Variants in COMMD10 observed in about 807,000 individuals in gnomAD.
COMMD10 encodes COMM domain containing 10.
A neutral mutation model predicts 28.9 loss-of-function variants in COMMD10; 33 were observed. That is an observed-to-expected ratio of 1.14 (90% confidence interval 0.87 to 1.53). The LOEUF (loss-of-function observed/expected upper bound fraction) is 1.53. COMMD10 is among the 40% of genes most tolerant of loss of function. The pLI is 0.00. For synonymous variants in COMMD10, 110 were observed against 81.7 expected (o/e 1.35, Z -1.87); for missense variants, 310 against 233.4 (o/e 1.33, Z -2.14).
At chr5:116,267,316 AGAGTGAAATCAT>A (rs1300245556) in intron 5 of COMMD10, among the ~76,000 whole-genome samples, 1 of 151,372 alleles carries the variant, frequency 6.6e-6, no homozygotes, top group Non-Finnish European at 1.5e-5. Flanking sequence ...AGACAAACAG[AGAGTGAAATCAT>A]GAGTGAACTC....
intron 5 of COMMD10, among the ~76,000 whole-genome samples, chr5:116,149,440 C>T (rs1752444717): frequency 1.3e-5 from 2 of 148,210 alleles, no homozygotes; most frequent in African/African-American, 2.5e-5. Context: ...CACAGACTTC[C>T]ACAATGGTTG....
In COMMD10 at chr5:116,190,599, G is replaced by C. The variant is rs147166283; in HGVS notation, c.510+56421G>C. On this transcript the variant is annotated intron_variant, in intron 5 of 6. Coordinates refer to ENST00000274458, the MANE Select transcript of COMMD10 (RefSeq NM_016144.4). The stretch of plus-strand genomic sequence containing the variant: ...TGTCACTGGCAACCAAGAGTTCTCT[G>C]TTTCTTTGGAATATAAATGCTAAAT... Among the ~76,000 whole-genome samples, 1,093 of 152,224 alleles carry C rather than the reference G, an allele frequency of 7.2e-3. 17 individuals are homozygous for C. Among genetic ancestry groups the C allele is most frequent in the African/African-American group, 0.025 (1,048 of 41,532 alleles).
intron 5 of COMMD10, among the ~76,000 whole-genome samples, chr5:116,146,204 T>C (rs999871437): frequency 6.6e-6 from 1 of 151,888 alleles, no homozygotes; most frequent in Non-Finnish European, 1.5e-5. Flanking sequence ...GGTCTAATTA[T>C]ATGAAGATTT....
intron 5 of COMMD10, among the ~76,000 whole-genome samples, chr5:116,174,251 A>C (rs756390466): frequency 2.0e-5 from 3 of 152,146 alleles, no homozygotes; most frequent in African/African-American, 4.8e-5. Context: ...CTGAGATGGA[A>C]GTGTGCTTGC....
At position 116,292,456 on chromosome 5, in the gene COMMD10, G is replaced by C; in HGVS notation, c.576G>C (p.Glu192Asp). The C allele has an allele frequency of 1.9e-6, 3 of 1,543,582 alleles. No individual in the cohort carries two copies. Among genetic ancestry groups the C allele is most frequent in the Non-Finnish European group, 2.6e-6 (3 of 1,144,162 alleles). The change falls in exon 7 of 7, where the codon GAG (glutamate) becomes GAC (aspartate). Residue 192 changes from glutamate to aspartate, a missense_variant. By Grantham distance (45) the Glu-to-Asp change is conservative (BLOSUM62 2). Coordinates refer to ENST00000274458, the MANE Select transcript of COMMD10 (RefSeq NM_016144.4). ...TTTTTTGTCTTTGTAAATAGCTAGA[G>C]ACTATACAAGCACAGCTGGATTCCC... ...KELFDFYNKL[E>D]TIQAQLDSLT
chr5:116,132,617 G>GTATT (rs774756087), intron 4 of COMMD10, among the ~76,000 whole-genome samples: 105 of 152,058 alleles, frequency 6.9e-4, no homozygotes, highest in Non-Finnish European at 1.1e-3. Context: ...CATTTTACAG[G>GTATT]TCTATATAAA....
intron 5 of COMMD10, among the ~76,000 whole-genome samples, chr5:116,240,037 C>T (rs1357502351): frequency 1.3e-5 from 2 of 152,052 alleles, no homozygotes; most frequent in African/African-American, 4.8e-5. Flanking sequence ...ATTTATTTCT[C>T]CTATACTTTG....
At chr5:116,129,214 A>G (rs1006249918) in intron 4 of COMMD10, among the ~76,000 whole-genome samples, 2 of 151,176 alleles carry the variant, frequency 1.3e-5, no homozygotes, top group Middle Eastern at 3.2e-3. Flanking sequence ...GAAGCCCCAT[A>G]TATTCTTTAT....
chr5:116,213,690 A>G (rs1443944232), intron 5 of COMMD10, among the ~76,000 whole-genome samples: 1 of 152,092 alleles, frequency 6.6e-6, no homozygotes, highest in Non-Finnish European at 1.5e-5. Flanking sequence ...ATTAGTGAGG[A>G]AAAACTTAGA....
chr5:116,185,588 C>T (rs1457975009), intron 5 of COMMD10, among the ~76,000 whole-genome samples: 4 of 151,998 alleles, frequency 2.6e-5, no homozygotes, highest in Admixed American at 1.3e-4. Flanking sequence ...TCCATTCTGT[C>T]TTATTGCATG....
intron 5 of COMMD10, among the ~76,000 whole-genome samples, chr5:116,179,101 C>G (rs969719683): frequency 6.6e-6 from 1 of 151,984 alleles, no homozygotes; most frequent in Non-Finnish European, 1.5e-5. Flanking sequence ...ATTATGTTAT[C>G]AAACACTGTG....
chr5:116,256,306 G>A (rs534947100), intron 5 of COMMD10, among the ~76,000 whole-genome samples: 1 of 151,608 alleles, frequency 6.6e-6, no homozygotes, highest in South Asian at 2.1e-4. Context: ...GTTCCTTTTG[G>A]GGTTGTTGAG....
intron 5 of COMMD10, among the ~76,000 whole-genome samples, chr5:116,175,086 C>T (rs1007616372): frequency 1.3e-5 from 2 of 152,090 alleles, no homozygotes; most frequent in African/African-American, 4.8e-5. Flanking sequence ...TTTCTAAATG[C>T]CACATTCAGA....
At chr5:116,170,164 A>C (rs998789979) in intron 5 of COMMD10, among the ~76,000 whole-genome samples, 1 of 152,200 alleles carries the variant, frequency 6.6e-6, no homozygotes, top group Admixed American at 6.5e-5. Flanking sequence ...ATCAGTGTGC[A>C]CAAATCACAA....
chr5:116,277,498 A>AT (rs1359644628), intron 5 of COMMD10, among the ~76,000 whole-genome samples: 2 of 151,890 alleles, frequency 1.3e-5, no homozygotes, highest in Admixed American at 1.3e-4. Context: ...CAAATTAGTT[A>AT]TTGTACCTGC....
intron 5 of COMMD10, among the ~76,000 whole-genome samples, chr5:116,290,309 T>G (rs980966355): frequency 2.0e-5 from 3 of 151,924 alleles, no homozygotes; most frequent in African/African-American, 7.3e-5. Context: ...ACTTCATGAT[T>G]TTATATCATT....
At chr5:116,135,828 C>T (rs74594083) in intron 5 of COMMD10, among the ~76,000 whole-genome samples, 2 of 152,188 alleles carry the variant, frequency 1.3e-5, no homozygotes, top group African/African-American at 4.8e-5. Flanking sequence ...CATCCCCCCA[C>T]AGTGGGCAGG....
At chr5:116,121,129 C>T (rs1475952265) in intron 4 of COMMD10, among the ~76,000 whole-genome samples, 1 of 152,076 alleles carries the variant, frequency 6.6e-6, no homozygotes, top group Non-Finnish European at 1.5e-5. Context: ...CTCTCCTTCC[C>T]CCTGCCCCCC....
chr5:116,142,686 AT>A (rs1246561227), intron 5 of COMMD10, among the ~76,000 whole-genome samples: 1 of 151,694 alleles, frequency 6.6e-6, no homozygotes, highest in Non-Finnish European at 1.5e-5. Flanking sequence ...AAGCCCAGAT[AT>A]TTTTGTAATA....
Sources: allele counts gnomAD v4.1 joint callset (sites outside exome capture counted in the v4.1 genomes callset), GRCh38; gene constraint gnomAD v4.1.1; transcripts MANE v1.5; gene names NCBI Gene and HGNC (gene_info 2026-07-23, HGNC 2026-07-21).